Variants in TP53BP1 observed in about 807,000 individuals in gnomAD.
TP53BP1 encodes the protein TP53-binding protein 1.
In TP53BP1, 61 loss-of-function variants were observed where a neutral mutation model predicts 200.8. The observed-to-expected ratio is 0.30, with a 90% CI of 0.25 to 0.38. The LOEUF (loss-of-function observed/expected upper bound fraction) is 0.38. Among genes scored for constraint, TP53BP1 ranks in the 10% least tolerant of loss-of-function variants. The probability of loss-of-function intolerance (pLI) is 1.00; values close to 1 mark genes in which losing one functional copy is unlikely to be tolerated. For synonymous variants in TP53BP1, 822 were observed against 844.3 expected, an observed-to-expected ratio of 0.97 and a Z score of 0.46; for missense variants, 2,144 against 2,371.9, an observed-to-expected ratio of 0.90 and a Z score of 2.00.
Position 43,407,335 on chromosome 15 carries a change from C to T in TP53BP1, c.*48G>A, listed in dbSNP as rs1238252596. The T allele has an allele frequency of 1.9e-6, 3 of 1,564,870 alleles. No homozygotes were observed. The highest frequency in any genetic ancestry group is 4.5e-5 in the East Asian group (2 of 44,452). ...AGACACATTTAAAACCTGGTTAAAA[C>T]ACAATCTCCACGATAGCAGGGAATA... On this transcript the variant is annotated 3_prime_UTR_variant, in exon 28 of 28. Transcript: ENST00000382044.
chr15:43,408,742 CTAGA>C, intron 26 of TP53BP1, 151 bp downstream of exon 26: 1 of 700,714 alleles, frequency 1.4e-6, no homozygotes, highest in East Asian at 2.7e-5. Flanking sequence ...GGGAAATAAA[CTAGA>C]TAAACTCCTG....
rs975220740 is a variant in TP53BP1 at position 43,469,899 on chromosome 15, G to A, written c.1348C>T (p.Pro450Ser). ...PISQSTPVFP[P>S]GSLPIPSQPQ... ...TGGGATGGGATAGGAAGTGACCCAG[G>A]AGGGAAGACTGGTGTGCTCTGAGAT... Residue 450 changes from proline to serine, a missense_variant, in exon 11 of 28, where the codon CCT (proline) becomes TCT (serine). Physicochemically the swap from Pro to Ser is moderately conservative, Grantham distance 74. Around this residue, in one of 4 missense-constraint regions of TP53BP1, gnomAD observed 1,700 missense variants for 1,710.3 expected, o/e 0.99. Coordinates refer to ENST00000382044, the MANE Select transcript of TP53BP1 (RefSeq NM_001141980.3). 1 of 1,613,900 alleles carries A rather than the reference G, an allele frequency of 6.2e-7. No homozygotes were observed. The highest frequency in any genetic ancestry group is 1.3e-5 in the African/African-American group (1 of 74,926).
chr15:43,496,373 A>G (rs894175316), upstream of TP53BP1, among the ~76,000 whole-genome samples: 23 of 152,202 alleles, frequency 1.5e-4, no homozygotes, highest in African/African-American at 5.5e-4. Flanking sequence ...ATAAATTTCA[A>G]ACCATCAAAC....
rs60623655 is a variant in TP53BP1 at position 43,503,516 on chromosome 15, G to A, written c.-9+6854C>T. Among the ~76,000 whole-genome samples, 697 of 152,208 alleles carry A rather than the reference G, an allele frequency of 4.6e-3. 24 individuals are homozygous for A. In the East Asian group the frequency reaches 0.094, roughly 20 times the overall value. On this transcript the variant is annotated intron_variant, in intron 1 of 27. Coordinates refer to the TP53BP1 transcript ENST00000263801. ...CTACTAAAAATACAAAAAATTAGCC[G>A]GGCATGGTGGCCAGCGCCTGTAATT...
At position 43,409,065 on chromosome 15, in the gene TP53BP1, G is replaced by T; in HGVS notation, c.5432C>A (p.Ala1811Glu). The T allele has an allele frequency of 6.2e-7, 1 of 1,614,168 alleles. No individual in the cohort carries two copies. The highest frequency in any genetic ancestry group is 8.5e-7 in the Non-Finnish European group (1 of 1,180,014). ...CNTAYQCLLI[A>E]DQHCRTRKYF... ...CTTCCGGGTTCGACAATGCTGATCC[G>T]CAATTAGAAGACACTGGTAAGCTGT... Residue 1811 changes from alanine to glutamate, a missense_variant, in exon 26 of 28, where the codon GCG becomes GAG. By Grantham distance (107) the Ala-to-Glu change is moderately radical (BLOSUM62 -1). Around this residue, in one of 4 missense-constraint regions of TP53BP1, gnomAD observed 334 missense variants for 453.4 expected, o/e 0.74. Transcript: ENST00000382044.
At position 43,483,558 on chromosome 15, in the gene TP53BP1, T is replaced by C. The variant is rs553884470; in HGVS notation, c.372-2536A>G. Among the ~76,000 whole-genome samples the C allele has an allele frequency of 6.6e-5, 10 of 152,162 alleles. No homozygotes were observed. In the South Asian group the frequency reaches 2.1e-3, roughly 32 times the overall value. ...AACTTTCTACACAACTAATATTTCA[T>C]AAAAAGAGCATTAAGCGTAACTGTA... is the stretch of plus-strand genomic sequence containing the variant. On this transcript the variant is annotated intron_variant, in intron 4 of 27. Coordinates refer to ENST00000382044, the MANE Select transcript of TP53BP1 (RefSeq NM_001141980.3).
chr15:43,500,289 A>G (rs1461347208), intron 1 of TP53BP1, among the ~76,000 whole-genome samples: 1 of 152,196 alleles, frequency 6.6e-6, no homozygotes, highest in African/African-American at 2.4e-5. Context: ...TTATAACAAA[A>G]AGCTTGAAGA....
intron 4 of TP53BP1, 35 bp downstream of exon 4, chr15:43,491,634 A>C (rs757441558): frequency 7.0e-5 from 102 of 1,453,932 alleles, no homozygotes; most frequent in Non-Finnish European, 8.4e-5. Context: ...AAATCTGATA[A>C]TACATTTAAA....
intron 15 of TP53BP1, 124 bp downstream of exon 15, chr15:43,441,402 A>T (rs1431284332): frequency 1.4e-6 from 1 of 729,060 alleles, no homozygotes; most frequent in East Asian, 2.5e-5. Flanking sequence ...ACATTGCTAA[A>T]TCCTTTATGA....
chr15:43,490,895 C>G (rs1465619817), intron 4 of TP53BP1, among the ~76,000 whole-genome samples: 1 of 152,022 alleles, frequency 6.6e-6, no homozygotes, highest in Non-Finnish European at 1.5e-5. Flanking sequence ...GCCAAACGTC[C>G]AATACAGGAC....
At chr15:43,434,496 C>T (rs979801887) in intron 16 of TP53BP1, among the ~76,000 whole-genome samples, 2 of 152,176 alleles carry the variant, frequency 1.3e-5, no homozygotes, top group African/African-American at 4.8e-5. Context: ...GACTAAATGT[C>T]TATGTCCCCT....
intron 10 of TP53BP1, among the ~76,000 whole-genome samples, chr15:43,471,937 C>T (rs2046735735): frequency 6.6e-6 from 1 of 152,134 alleles, no homozygotes; most frequent in South Asian, 2.1e-4. Context: ...AATTTGGATA[C>T]CTACAACTGA....
In TP53BP1 at chr15:43,469,936, G is replaced by C; in HGVS notation, c.1311C>G (p.Ala437=). 6.2e-7 allele frequency: 1 copy of C among 1,614,068 alleles called. No individual in the cohort carries two copies. Among genetic ancestry groups the C allele is most frequent in the Non-Finnish European group, 8.5e-7 (1 of 1,180,028 alleles). ...GTGTGCTCTGAGATATTGGTGTTGA[G>C]GCTTGTGGTGATACAGTGGACTCAG... ...LLPESTVSPQ[A]STPISQSTPV... is the part of the protein sequence containing the mutation. Residue 437 remains alanine (A), a synonymous_variant, in exon 11 of 28, where the codon GCC becomes GCG. Coordinates refer to ENST00000382044, the MANE Select transcript of TP53BP1 (RefSeq NM_001141980.3).
intron 19 of TP53BP1, 174 bp downstream of exon 19, chr15:43,421,681 C>T: frequency 1.1e-6 from 1 of 905,850 alleles, no homozygotes; most frequent in Non-Finnish European, 1.6e-6. Context: ...AGGGCTCCAC[C>T]CTACTTCCCA....
Position 43,481,320 on chromosome 15 carries a change from T to C in TP53BP1, c.372-298A>G, listed in dbSNP as rs75683281. Among the ~76,000 whole-genome samples, 4 of 152,140 alleles carry C rather than the reference T, an allele frequency of 2.6e-5. No homozygotes were observed. In the East Asian group the frequency reaches 7.7e-4, roughly 29 times the overall value. The stretch of plus-strand genomic sequence containing the variant: ...TACTGACAAGTGACAAGAGAAGATA[T>C]GCATTGGATGAGCACAGAAAGGGCT... On this transcript the variant is annotated intron_variant, in intron 4 of 27. Coordinates refer to ENST00000382044, the MANE Select transcript of TP53BP1 (RefSeq NM_001141980.3).
chr15:43,403,969 A>G lies in TP53BP1; in HGVS notation c.*3414T>C, dbSNP rs1273668995. On this transcript the variant is annotated 3_prime_UTR_variant, in exon 28 of 28. Transcript: ENST00000382044. ...GGTATCAGTTGATTTTGAAGCAGGT[A>G]ATACTGTGCCACCTCACAGTGCTCA... The G allele has an allele frequency of 6.8e-6, 4 of 591,862 alleles. No individual in the cohort carries two copies. Among genetic ancestry groups the G allele is most frequent in the Non-Finnish European group, 8.8e-6 (3 of 342,394 alleles). 36.7% of individuals were successfully genotyped at this position (591,862 alleles called of 1,614,324 possible). A position where few individuals can be genotyped will look rare whatever the true frequency, so the allele number is the denominator to read the frequency against.
At chr15:43,457,296 T>C (rs1303307348) in intron 11 of TP53BP1, 78 bp from the exon 12 acceptor site, 2 of 1,229,802 alleles carry the variant, frequency 1.6e-6, no homozygotes, top group African/African-American at 3.1e-5. Context: ...TGGATTCATA[T>C]AAAATTTCTA....
intron 16 of TP53BP1, among the ~76,000 whole-genome samples, chr15:43,433,297 A>AT (rs557880762): frequency 4.6e-5 from 7 of 151,964 alleles, no homozygotes; most frequent in African/African-American, 1.7e-4. Flanking sequence ...GATACAGCCC[A>AT]TTTTTTTTCA....
intron 10 of TP53BP1, among the ~76,000 whole-genome samples, chr15:43,471,349 G>A (rs893896858): frequency 1.8e-4 from 28 of 151,984 alleles, no homozygotes; most frequent in African/African-American, 6.5e-4. Context: ...TAGTATCACA[G>A]GTGATTTTTA....
Sources: gnomAD v4.1 joint callset for allele counts (sites outside exome capture counted in the v4.1 genomes callset) on GRCh38, gnomAD v4.1.1 for gene constraint, gnomAD v4.1.1 regional missense constraint, MANE v1.5 for transcripts, NCBI Gene and HGNC (gene_info 2026-07-23, HGNC 2026-07-21) for gene names.